Variants in SLCO2B1 observed in about 807,000 individuals in gnomAD.
The protein encoded by SLCO2B1 is solute carrier organic anion transporter family member 2B1, also known as OATP-RP2.
SLCO2B1 carries 41 observed loss-of-function variants against 67.3 expected under a neutral mutation model. The observed-to-expected ratio is 0.61, with a 90% CI of 0.47 to 0.79. The LOEUF (loss-of-function observed/expected upper bound fraction) is 0.79. Among genes scored for constraint, SLCO2B1 ranks in the 30% least tolerant of loss-of-function variants. The probability of loss-of-function intolerance (pLI) is 0.00; values close to 1 mark genes in which losing one functional copy is unlikely to be tolerated. For missense variants in SLCO2B1, 837 were observed against 920.1 expected (o/e 0.91, Z 1.17); for synonymous variants, 379 against 381.4 (o/e 0.99, Z 0.07).
intron 5 of SLCO2B1, 94 bp from the exon 6 acceptor site, chr11:75,169,572 G>C (rs1367796199): frequency 1.6e-6 from 2 of 1,250,342 alleles, no homozygotes; most frequent in Non-Finnish European, 2.3e-6. Context: ...GACCAGGGGA[G>C]ACAGAGTGTT....
intron 7 of SLCO2B1, among the ~76,000 whole-genome samples, chr11:75,176,097 T>TC (rs1950019640): frequency 6.6e-6 from 1 of 152,172 alleles, no homozygotes; most frequent in African/African-American, 2.4e-5. Flanking sequence ...AATCAGCCAG[T>TC]CCCCAAGGTC....
At position 75,204,966 on chromosome 11, in the gene SLCO2B1, C is replaced by T. The variant is rs1488124612; in HGVS notation, c.*386C>T. 1 of 159,928 alleles carries T rather than the reference C, an allele frequency of 6.3e-6. No individual in the cohort carries two copies. The highest frequency in any genetic ancestry group is 1.4e-5 in the Non-Finnish European group (1 of 73,394). The allele number at this position is 159,928 out of a possible 1,614,324, so 9.9% of individuals were successfully genotyped here. Reference sequence around the variant, plus strand: ...GGCCCCAGCCCAGGTCTGCACTCGCCTGGATCACCTTCTTTGAGCCTTAGC... The same window carrying T: ...GGCCCCAGCCCAGGTCTGCACTCGCTTGGATCACCTTCTTTGAGCCTTAGC... On this transcript the variant is annotated 3_prime_UTR_variant, in exon 14 of 14. Transcript: ENST00000289575.
At position 75,165,910 on chromosome 11, in the gene SLCO2B1, T is replaced by C; in HGVS notation, c.409T>C (p.Phe137Leu). 1 of 1,614,054 alleles carries C rather than the reference T, an allele frequency of 6.2e-7. No individual in the cohort carries two copies. The highest frequency in any genetic ancestry group is 8.5e-7 in the Non-Finnish European group (1 of 1,179,956). The change falls in exon 4 of 14, where the codon TTC becomes CTC. Residue 137 changes from phenylalanine to leucine, a missense_variant. By Grantham distance (22) the Phe-to-Leu change is conservative. Coordinates refer to ENST00000289575, the MANE Select transcript of SLCO2B1 (RefSeq NM_007256.5). ...GGGCCTGCTCATGACTCTCCCGCAC[T>C]TCATCTCGGAGCCATACCGCTACGA... ...LAGLLMTLPH[F>L]ISEPYRYDNT...
At chr11:75,173,053 A>G (rs1949984001) in intron 7 of SLCO2B1, among the ~76,000 whole-genome samples, 1 of 152,196 alleles carries the variant, frequency 6.6e-6, no homozygotes, top group Admixed American at 6.5e-5. Context: ...GAGGAGACCC[A>G]GAGCCAGTGT....
At chr11:75,202,568 T>C (rs746402339) in intron 11 of SLCO2B1, 7 of 315,256 alleles carry the variant, frequency 2.2e-5, no homozygotes, top group Non-Finnish European at 3.6e-5. Flanking sequence ...CTGTCCCAGC[T>C]CCAGGTCTTG....
intron 9 of SLCO2B1, chr11:75,196,126 C>G (rs1945093578): frequency 1.1e-5 from 2 of 188,098 alleles, no homozygotes; most frequent in Non-Finnish European, 2.2e-5. Flanking sequence ...TGATCGGGTC[C>G]CACACTCATA....
chr11:75,188,173 C>A lies in SLCO2B1; in HGVS notation c.1010C>A (p.Ser337Tyr), dbSNP rs1332596112. The A allele has an allele frequency of 6.2e-7, 1 of 1,613,988 alleles. No homozygotes were observed. The highest frequency in any genetic ancestry group is 8.5e-7 in the Non-Finnish European group (1 of 1,179,928). ...CCCTCTAAGCAGAGCCCTGGGGAGTCCACGAAGAAGCAGGATGGCCTAGTC... is the reference window on the plus strand; with the variant it reads ...CCCTCTAAGCAGAGCCCTGGGGAGTACACGAAGAAGCAGGATGGCCTAGTC... The part of the protein sequence containing the change: ...DSPSKQSPGE[S>Y]TKKQDGLVQI... The change falls in exon 8 of 14, where the codon TCC becomes TAC. Residue 337 changes from serine (S) to tyrosine (Y), a missense_variant. Coordinates refer to ENST00000289575, the MANE Select transcript of SLCO2B1 (RefSeq NM_007256.5).
At chr11:75,166,164 A>T (rs1949889642) in intron 4 of SLCO2B1, among the ~76,000 whole-genome samples, 1 of 152,128 alleles carries the variant, frequency 6.6e-6, no homozygotes. Flanking sequence ...GGCCCTGCGC[A>T]TAGGGGTGAG....
At chr11:75,182,412 C>T (rs1226790070) in intron 7 of SLCO2B1, among the ~76,000 whole-genome samples, 3 of 152,206 alleles carry the variant, frequency 2.0e-5, no homozygotes, top group African/African-American at 7.2e-5. Context: ...CTGCACCAGA[C>T]AGACCATTGT....
At position 75,200,270 on chromosome 11, in the gene SLCO2B1, T is replaced by C. The variant is rs759037908; in HGVS notation, c.1646T>C (p.Leu549Pro). The C allele has an allele frequency of 6.2e-6, 10 of 1,613,856 alleles. No individual in the cohort carries two copies. The highest frequency in any genetic ancestry group is 8.5e-6 in the Non-Finnish European group (10 of 1,179,946). The change falls in exon 11 of 14, where the codon CTG becomes CCG. Residue 549 changes from leucine (L) to proline (P), a missense_variant. Coordinates refer to ENST00000289575, the MANE Select transcript of SLCO2B1 (RefSeq NM_007256.5). ...TGCGTGGTGGAGGGCAACCCCGTGC[T>C]GGCAGGATCCTGCGACTCAACGTGC... ...CSCVVEGNPV[L>P]AGSCDSTCSH... is the part of the protein sequence containing the mutation.
At chr11:75,204,377 A>C in intron 13 of SLCO2B1, 23 bp from the exon 14 acceptor site, 1 of 1,580,158 alleles carries the variant, frequency 6.3e-7, no homozygotes, top group Non-Finnish European at 8.6e-7. Flanking sequence ...TCTTGAGTTC[A>C]AGGGTCCCCA....
chr11:75,196,157 G>T (rs1318851829), intron 9 of SLCO2B1: 1 of 197,458 alleles, frequency 5.1e-6, no homozygotes, highest in Non-Finnish European at 1.0e-5. Context: ...TCTGAGAAAT[G>T]AAGCAATCAT....
Position 75,200,216 on chromosome 11 carries a change from C to A in SLCO2B1, c.1600-8C>A, listed in dbSNP as rs1006063716. ...TCTTGAAGTCTCTTCCTCCTCTTCC[C>A]ACTCCAGGTTTTCTACACCAACTGC... On this transcript the variant is annotated splice_region_variant and splice_polypyrimidine_tract_variant and intron_variant, in intron 10 of 13. Transcript: ENST00000289575. The A allele has an allele frequency of 2.5e-6, 4 of 1,606,936 alleles. No homozygotes were observed. Among genetic ancestry groups the A allele is most frequent in the East Asian group, 4.5e-5 (2 of 44,662 alleles).
chr11:75,200,410 G>A lies in SLCO2B1; in HGVS notation c.1763+23G>A, dbSNP rs768472306. On this transcript the variant is annotated intron_variant, in intron 11 of 13. Transcript: ENST00000289575. ...AAGGTGAAGGTGGGGGTGGGGCAGG[G>A]GCAGGTGGATACCAGGAGGTCCTTA... 3.8e-6 allele frequency: 6 copies of A among 1,563,558 alleles called. No individual in the cohort carries two copies. The East Asian group carries it at 1.4e-4, about 36-fold the overall frequency.
In SLCO2B1 at chr11:75,162,770, G is replaced by C; in HGVS notation, c.132G>C (p.Val44=). 2 of 1,613,822 alleles carry C rather than the reference G, an allele frequency of 1.2e-6. No individual in the cohort carries two copies. The highest frequency in any genetic ancestry group is 1.7e-6 in the Non-Finnish European group (2 of 1,179,868). Residue 44 remains valine, a synonymous_variant, in exon 2 of 14, where the codon GTG becomes GTC. Coordinates refer to ENST00000289575, the MANE Select transcript of SLCO2B1 (RefSeq NM_007256.5). Reference sequence around the variant, plus strand: ...ACCCTCAGGACGTGCGGCCAAGTGTGTTCCATAACATCAAGGTACCTCTCA... The same window carrying C: ...ACCCTCAGGACGTGCGGCCAAGTGTCTTCCATAACATCAAGGTACCTCTCA... The part of the protein sequence containing the change: ...SPDPQDVRPS[V]FHNIKLFVLC...
At chr11:75,190,137 TCTGCG>T (rs769155732) in intron 8 of SLCO2B1, among the ~76,000 whole-genome samples, 3 of 152,196 alleles carry the variant, frequency 2.0e-5, no homozygotes, top group Non-Finnish European at 4.4e-5. Flanking sequence ...TCCCCGGCAC[TCTGCG>T]CTGCTGAATT....
At position 75,162,902 on chromosome 11, in the gene SLCO2B1, T is replaced by A. The variant is rs77143149; in HGVS notation, c.147+117T>A. 5.0e-5 allele frequency: 62 copies of A among 1,243,394 alleles called. No homozygotes were observed. The Admixed American group carries it at 1.6e-3, about 32-fold the overall frequency. 77.0% of individuals were successfully genotyped at this position (1,243,394 alleles called of 1,614,324 possible). ...AGCCTCGGTTTCCTCATCTATAGAA[T>A]GTGTGGCTGTGAGGATCAAAGGGAT... On this transcript the variant is annotated intron_variant, in intron 2 of 13. Coordinates refer to ENST00000289575, the MANE Select transcript of SLCO2B1 (RefSeq NM_007256.5).
chr11:75,161,478 A>G (rs1949820008), intron 1 of SLCO2B1, among the ~76,000 whole-genome samples: 1 of 152,226 alleles, frequency 6.6e-6, no homozygotes, highest in Admixed American at 6.5e-5. Flanking sequence ...TCAGGCTCCC[A>G]GGTACCTTGT....
At position 75,172,238 on chromosome 11, in the gene SLCO2B1, C is replaced by T. The variant is rs1262507973; in HGVS notation, c.782-141C>T. The stretch of plus-strand genomic sequence containing the variant: ...CTTGCCCAGGGTCACACAGGACACA[C>T]CTGGCAGAGCAGACTGGAACTCAGG... On this transcript the variant is annotated intron_variant, in intron 6 of 13. Coordinates refer to ENST00000289575, the MANE Select transcript of SLCO2B1 (RefSeq NM_007256.5). 5.7e-6 allele frequency: 4 copies of T among 704,186 alleles called. No individual in the cohort carries two copies. In the Admixed American group the frequency reaches 8.8e-5, roughly 15 times the overall value. 43.6% of individuals were successfully genotyped at this position (704,186 alleles called of 1,614,324 possible).
Sources: allele counts gnomAD v4.1 joint callset (sites outside exome capture counted in the v4.1 genomes callset), GRCh38; gene constraint gnomAD v4.1.1; transcripts MANE v1.5; gene names NCBI Gene and HGNC (gene_info 2026-07-23, HGNC 2026-07-21).